Variants in CNTNAP5 observed in about 807,000 individuals in gnomAD.
CNTNAP5 encodes the protein contactin-associated protein-like 5.
A neutral mutation model predicts 150.2 loss-of-function variants in CNTNAP5; 72 were observed. The observed-to-expected ratio is 0.48, with a 90% CI of 0.40 to 0.58. CNTNAP5 has a LOEUF of 0.58. Among genes scored for constraint, CNTNAP5 ranks in the 20% least tolerant of loss-of-function variants. The pLI, the probability that CNTNAP5 is intolerant of heterozygous loss-of-function variation, is 0.00. For missense variants in CNTNAP5, 1,636 were observed against 1,626.2 expected (o/e 1.01, Z -0.10); for synonymous variants, 672 against 619.8 (o/e 1.08, Z -1.25).
intron 1 of CNTNAP5, among the ~76,000 whole-genome samples, chr2:124,072,552 C>A (rs556162364): frequency 1.1e-4 from 16 of 151,746 alleles, no homozygotes; most frequent in South Asian, 1.0e-3. Flanking sequence ...AATCAACATA[C>A]AAAAATCAGT....
chr2:124,404,675 G>A (rs182594827), intron 3 of CNTNAP5, among the ~76,000 whole-genome samples: 109 of 152,258 alleles, frequency 7.2e-4, no homozygotes, highest in African/African-American at 2.4e-3. Context: ...TGTCAATCCC[G>A]AGTAAGCTCT....
At chr2:124,648,185 A>G (rs1211122254) in intron 13 of CNTNAP5, among the ~76,000 whole-genome samples, 3 of 152,220 alleles carry the variant, frequency 2.0e-5, no homozygotes, top group African/African-American at 4.8e-5. Flanking sequence ...TCCTCATCAT[A>G]AAGAAAACGA....
Position 124,671,990 on chromosome 2 carries a change from G to A in CNTNAP5, c.2077+24032G>A, listed in dbSNP as rs1381902686. Among the ~76,000 whole-genome samples the A allele has an allele frequency of 2.0e-5, 3 of 152,284 alleles. No homozygotes were observed. In the East Asian group the frequency reaches 5.8e-4, roughly 29 times the overall value. ...GGCCACCACTTTAGATATACCCAGT[G>A]AGACTTGTGTTCATGTGTTAACGAT... On this transcript the variant is annotated intron_variant, in intron 13 of 23. Transcript: ENST00000682447.
At chr2:124,083,438 G>T (rs1682605898) in intron 1 of CNTNAP5, among the ~76,000 whole-genome samples, 1 of 152,040 alleles carries the variant, frequency 6.6e-6, no homozygotes, top group African/African-American at 2.4e-5. Context: ...AGGGTCTTTT[G>T]TAGAATTAAA....
chr2:124,030,394 A>G (rs536305778), intron 1 of CNTNAP5, among the ~76,000 whole-genome samples: 87 of 152,300 alleles, frequency 5.7e-4, no homozygotes, highest in Middle Eastern at 3.4e-3. Flanking sequence ...ATTCAAGGTT[A>G]GTAGAAGTTA....
intron 12 of CNTNAP5, among the ~76,000 whole-genome samples, chr2:124,632,468 C>A (rs1356731070): frequency 6.6e-6 from 1 of 151,916 alleles, no homozygotes; most frequent in Non-Finnish European, 1.5e-5. Context: ...AAACCAAACA[C>A]TACATGTTCT....
intron 3 of CNTNAP5, among the ~76,000 whole-genome samples, chr2:124,406,910 C>T (rs887051350): frequency 2.6e-5 from 4 of 152,180 alleles, no homozygotes; most frequent in Admixed American, 2.6e-4. Context: ...TCCATGAGAT[C>T]AACTTACTTT....
chr2:124,407,068 A>G (rs1429851257), intron 3 of CNTNAP5, among the ~76,000 whole-genome samples: 1 of 152,140 alleles, frequency 6.6e-6, no homozygotes, highest in Non-Finnish European at 1.5e-5. Context: ...CATATACTAC[A>G]TTTCCTCTAA....
chr2:124,715,996 T>C (rs1181755224), intron 13 of CNTNAP5, among the ~76,000 whole-genome samples: 2 of 152,164 alleles, frequency 1.3e-5, no homozygotes, highest in Non-Finnish European at 2.9e-5. Context: ...CTAATTCTAC[T>C]GAGGTATATG....
intron 13 of CNTNAP5, among the ~76,000 whole-genome samples, chr2:124,716,155 C>A (rs1049969795): frequency 6.6e-6 from 1 of 151,936 alleles, no homozygotes; most frequent in Non-Finnish European, 1.5e-5. Flanking sequence ...TTTGCCAAGC[C>A]CCCTACAAGG....
chr2:124,454,840 C>A (rs1457551958), intron 6 of CNTNAP5, among the ~76,000 whole-genome samples: 1 of 151,964 alleles, frequency 6.6e-6, no homozygotes, highest in Non-Finnish European at 1.5e-5. Flanking sequence ...ATTTTTTGAA[C>A]TGAATGACAG....
At chr2:124,895,262 C>G (rs947198965) in intron 21 of CNTNAP5, among the ~76,000 whole-genome samples, 1 of 151,494 alleles carries the variant, frequency 6.6e-6, no homozygotes, top group Admixed American at 6.6e-5. Flanking sequence ...AGTGCCAGAC[C>G]TTATGCAATG....
At chr2:124,328,048 A>G (rs1172663526) in intron 3 of CNTNAP5, among the ~76,000 whole-genome samples, 1 of 152,240 alleles carries the variant, frequency 6.6e-6, no homozygotes, top group Non-Finnish European at 1.5e-5. Context: ...CTTTTCTGAA[A>G]AGAATGTTTT....
intron 1 of CNTNAP5, among the ~76,000 whole-genome samples, chr2:124,060,258 T>C (rs1558741311): frequency 1.3e-5 from 2 of 152,206 alleles, no homozygotes; most frequent in South Asian, 4.1e-4. Flanking sequence ...CTGTCATGAT[T>C]AATAAGGCTA....
At chr2:124,586,433 C>T (rs1472216064) in intron 11 of CNTNAP5, among the ~76,000 whole-genome samples, 1 of 152,198 alleles carries the variant, frequency 6.6e-6, no homozygotes, top group Non-Finnish European at 1.5e-5. Flanking sequence ...GGCCTGCCTG[C>T]AGGACACATG....
chr2:124,353,613 T>A (rs1689927660), intron 3 of CNTNAP5, among the ~76,000 whole-genome samples: 1 of 152,142 alleles, frequency 6.6e-6, no homozygotes, highest in South Asian at 2.1e-4. Flanking sequence ...TCCGTGCATC[T>A]CCATGATACA....
At chr2:124,641,278 G>A (rs1157079109) in intron 12 of CNTNAP5, among the ~76,000 whole-genome samples, 2 of 152,096 alleles carry the variant, frequency 1.3e-5, no homozygotes, top group African/African-American at 4.8e-5. Context: ...GGAGACTGAG[G>A]CTGGGGGAGG....
At chr2:124,084,644 G>T (rs1348154827) in intron 1 of CNTNAP5, among the ~76,000 whole-genome samples, 2 of 151,768 alleles carry the variant, frequency 1.3e-5, no homozygotes, top group Non-Finnish European at 2.9e-5. Flanking sequence ...ATATGTGTGT[G>T]TATATATACA....
chr2:124,323,626 C>T (rs952422969), intron 3 of CNTNAP5, among the ~76,000 whole-genome samples: 3 of 152,098 alleles, frequency 2.0e-5, no homozygotes, highest in Admixed American at 1.3e-4. Flanking sequence ...TTCCACAGCA[C>T]CCTCATATCA....
Sources: gnomAD v4.1 joint callset for allele counts (sites outside exome capture counted in the v4.1 genomes callset) on GRCh38, gnomAD v4.1.1 for gene constraint, MANE v1.5 for transcripts, NCBI Gene and HGNC (gene_info 2026-07-23, HGNC 2026-07-21) for gene names.